The following PIP4K2A variants were observed in gnomAD, a reference collection of about 807,000 sequenced individuals.
PIP4K2A encodes the protein phosphatidylinositol 5-phosphate 4-kinase type-2 alpha.
A neutral mutation model predicts 42.9 loss-of-function variants in PIP4K2A; 14 were observed. The ratio of observed to expected loss-of-function variants is 0.33; its 90% CI spans 0.22 to 0.51. The LOEUF (loss-of-function observed/expected upper bound fraction) is 0.51, where lower values mean the gene tolerates loss of function less well. PIP4K2A is among the 20% of genes least tolerant of loss of function. The probability of loss-of-function intolerance (pLI) is 0.97; values close to 1 mark genes in which losing one functional copy is unlikely to be tolerated. For missense variants in PIP4K2A, 434 were observed against 519.8 expected, an observed-to-expected ratio of 0.83 and a Z score of 1.61; for synonymous variants, 192 against 192.2, an observed-to-expected ratio of 1.00 and a Z score of 0.01.
At chr10:22,549,041 G>A (rs1351005824) in intron 7 of PIP4K2A, among the ~76,000 whole-genome samples, 1 of 152,178 alleles carries the variant, frequency 6.6e-6, no homozygotes, top group African/African-American at 2.4e-5. Flanking sequence ...CAGCAAGACT[G>A]TCTCTAAAAA....
chr10:22,705,887 G>A (rs1833814724), intron 1 of PIP4K2A, among the ~76,000 whole-genome samples: 1 of 151,874 alleles, frequency 6.6e-6, no homozygotes, highest in South Asian at 2.1e-4. Context: ...ATTTATAAAG[G>A]AAAGAGGTTT....
intron 7 of PIP4K2A, among the ~76,000 whole-genome samples, chr10:22,548,271 G>A (rs546144610): frequency 4.1e-4 from 63 of 152,286 alleles, no homozygotes; most frequent in Admixed American, 1.1e-3. Context: ...CCATTTCAAC[G>A]AAACAGCTAA....
intron 1 of PIP4K2A, among the ~76,000 whole-genome samples, chr10:22,687,971 T>C (rs145119704): frequency 9.2e-5 from 14 of 152,248 alleles, no homozygotes; most frequent in African/African-American, 2.9e-4. Context: ...GTGAATCCCA[T>C]AGCATCATGT....
chr10:22,629,553 G>A (rs1281473254), intron 1 of PIP4K2A, among the ~76,000 whole-genome samples: 2 of 152,092 alleles, frequency 1.3e-5, no homozygotes, highest in Non-Finnish European at 2.9e-5. Flanking sequence ...AAACAACACT[G>A]AAGATAAATT....
chr10:22,712,648 G>A (rs868240099), intron 1 of PIP4K2A, among the ~76,000 whole-genome samples: 1 of 152,154 alleles, frequency 6.6e-6, no homozygotes, highest in South Asian at 2.1e-4. Context: ...ACTTGAGAGA[G>A]GAGTTTTTGG....
intron 9 of PIP4K2A, among the ~76,000 whole-genome samples, chr10:22,539,207 G>A (rs1303419084): frequency 2.6e-5 from 4 of 152,150 alleles, no homozygotes; most frequent in African/African-American, 9.7e-5. Flanking sequence ...GGCTGGGTCC[G>A]GGGGAGGAAT....
intron 6 of PIP4K2A, among the ~76,000 whole-genome samples, chr10:22,554,394 G>A (rs1261822430): frequency 2.6e-5 from 4 of 152,172 alleles, no homozygotes; most frequent in Non-Finnish European, 5.9e-5. Flanking sequence ...TTAACTGTGG[G>A]CAGCGACAGC....
At chr10:22,539,910 A>G (rs61847438) in intron 9 of PIP4K2A, 61 bp downstream of exon 9, 1 of 105,594 alleles carries the variant, frequency 9.5e-6, no homozygotes, top group Admixed American at 2.3e-4. Context: ...AGAGAGAGAG[A>G]GGGAGAGAGA....
At chr10:22,611,879 C>T (rs963806643) in intron 1 of PIP4K2A, among the ~76,000 whole-genome samples, 9 of 152,280 alleles carry the variant, frequency 5.9e-5, no homozygotes, top group Admixed American at 2.6e-4. Flanking sequence ...GAAAGCGAAA[C>T]CCAACGTGGA....
intron 7 of PIP4K2A, among the ~76,000 whole-genome samples, chr10:22,546,144 C>A (rs1836254039): frequency 6.6e-6 from 1 of 152,176 alleles, no homozygotes; most frequent in Non-Finnish European, 1.5e-5. Context: ...AGTTCGCCTC[C>A]TGGATCTTCA....
chr10:22,598,148 AG>A (rs1286102598), intron 3 of PIP4K2A, among the ~76,000 whole-genome samples: 2 of 152,198 alleles, frequency 1.3e-5, no homozygotes, highest in Non-Finnish European at 2.9e-5. Context: ...ACTTGAGGCC[AG>A]GAGTTTGGGA....
chr10:22,577,384 G>T (rs80330373), intron 4 of PIP4K2A, among the ~76,000 whole-genome samples: 8,892 of 151,934 alleles, frequency 0.059, 661 homozygotes, highest in African/African-American at 0.18. Context: ...CTGGGTCATG[G>T]GGGTGGGTCC....
chr10:22,605,648 C>T (rs142035165), intron 3 of PIP4K2A, among the ~76,000 whole-genome samples: 1 of 152,196 alleles, frequency 6.6e-6, no homozygotes, highest in African/African-American at 2.4e-5. Flanking sequence ...ATTGAGGAAT[C>T]TAACAAGATA....
In PIP4K2A at chr10:22,536,271, T is replaced by C. The variant is rs1038355990; in HGVS notation, c.*930A>G. On this transcript the variant is annotated 3_prime_UTR_variant, in exon 10 of 10. Transcript: ENST00000376573. ...CCCACAGTGGGAGATGTAGATACCA[T>C]TGCCCCAAACTATGCACTTTTCAGG... 2.3e-5 allele frequency: 9 copies of C among 396,402 alleles called. No individual in the cohort carries two copies. Among genetic ancestry groups the C allele is most frequent in the South Asian group, 1.4e-4 (1 of 7,104 alleles). 24.6% of individuals were successfully genotyped at this position (396,402 alleles called of 1,614,324 possible). A position where few individuals can be genotyped will look rare whatever the true frequency, so the allele number is the denominator to read the frequency against.
intron 6 of PIP4K2A, among the ~76,000 whole-genome samples, chr10:22,567,239 T>C (rs917046037): frequency 6.6e-6 from 1 of 152,240 alleles, no homozygotes; most frequent in Non-Finnish European, 1.5e-5. Context: ...ATCCTTCAAG[T>C]TGACTCTCTC....
intron 4 of PIP4K2A, among the ~76,000 whole-genome samples, chr10:22,586,187 T>A (rs144099898): frequency 6.6e-6 from 1 of 152,194 alleles, no homozygotes; most frequent in Non-Finnish European, 1.5e-5. Context: ...TCAAATGAAG[T>A]AAACAAAATT....
chr10:22,639,355 A>C (rs1193124780), intron 1 of PIP4K2A, among the ~76,000 whole-genome samples: 1 of 123,464 alleles, frequency 8.1e-6, no homozygotes, highest in Non-Finnish European at 1.7e-5. Flanking sequence ...AAATCAAAAG[A>C]AGCTAAAAAA....
intron 5 of PIP4K2A, chr10:22,569,031 G>C: frequency 1.3e-6 from 2 of 1,535,240 alleles, no homozygotes; most frequent in Non-Finnish European, 1.7e-6. Context: ...TGGGAAAAGT[G>C]AAAGTGGCTT....
At chr10:22,709,819 T>G (rs73598596) in intron 1 of PIP4K2A, among the ~76,000 whole-genome samples, 3 of 152,228 alleles carry the variant, frequency 2.0e-5, no homozygotes, top group African/African-American at 7.2e-5. Flanking sequence ...ACTTTCTGTA[T>G]GTCTGCTTGG....
Sources: gnomAD v4.1 joint callset for allele counts (sites outside exome capture counted in the v4.1 genomes callset) on GRCh38, gnomAD v4.1.1 for gene constraint, MANE v1.5 for transcripts, NCBI Gene and HGNC (gene_info 2026-07-23, HGNC 2026-07-21) for gene names.